APP: variants seen among roughly 807,000 people sequenced by gnomAD.
APP encodes the protein amyloid beta precursor protein.
In APP, 31 loss-of-function variants were observed where a neutral mutation model predicts 101.4. That is an observed-to-expected ratio of 0.31 (90% CI 0.23 to 0.41). The LOEUF (loss-of-function observed/expected upper bound fraction) is 0.41, where lower values mean the gene tolerates loss of function less well. APP is among the 10% of genes least tolerant of loss of function. APP has a pLI of 1.00. For missense variants in APP, 839 were observed against 1,003.7 expected (o/e 0.84, Z 2.22); for synonymous variants, 366 against 364.4 (o/e 1.00, Z -0.05).
At chr21:26,067,926 A>G (rs573851054) in intron 3 of APP, among the ~76,000 whole-genome samples, 1 of 152,146 alleles carries the variant, frequency 6.6e-6, no homozygotes, top group Non-Finnish European at 1.5e-5. Context: ...TTAAAAAAAA[A>G]AAACAAAAAA....
intron 6 of APP, among the ~76,000 whole-genome samples, chr21:26,007,489 A>G (rs943490019): frequency 6.8e-6 from 1 of 148,128 alleles, no homozygotes; most frequent in African/African-American, 2.4e-5. Flanking sequence ...ATATAATACA[A>G]TATACAATTT....
At chr21:25,901,360 C>T (rs1265132411) in intron 15 of APP, among the ~76,000 whole-genome samples, 1 of 145,336 alleles carries the variant, frequency 6.9e-6, no homozygotes, top group East Asian at 2.0e-4. Context: ...CAAGCCCACA[C>T]TACTTTTGAA....
chr21:25,891,545 G>A (rs770947262), intron 17 of APP, among the ~76,000 whole-genome samples, 177 bp downstream of exon 17: 2 of 152,042 alleles, frequency 1.3e-5, no homozygotes, highest in African/African-American at 2.4e-5. Context: ...GAATATTCAC[G>A]GTAAGTTGCA....
intron 1 of APP, among the ~76,000 whole-genome samples, chr21:26,127,481 A>C (rs1171696673): frequency 6.6e-6 from 1 of 152,160 alleles, no homozygotes; most frequent in Non-Finnish European, 1.5e-5. Flanking sequence ...ATATATAACT[A>C]AAAAAATTAT....
At chr21:26,026,600 A>T (rs866628449) in intron 5 of APP, among the ~76,000 whole-genome samples, 2 of 152,224 alleles carry the variant, frequency 1.3e-5, no homozygotes, top group South Asian at 2.1e-4. Context: ...ATGCCAAAAA[A>T]GTCACCATTT....
chr21:26,112,773 A>C (rs1370247502), intron 1 of APP, among the ~76,000 whole-genome samples: 1 of 152,128 alleles, frequency 6.6e-6, no homozygotes, highest in African/African-American at 2.4e-5. Context: ...ACTCTTAACA[A>C]GTCTGTTAAG....
intron 2 of APP, among the ~76,000 whole-genome samples, chr21:26,110,738 A>G (rs1435277529): frequency 6.6e-6 from 1 of 152,136 alleles, no homozygotes; most frequent in African/African-American, 2.4e-5. Context: ...AATATTAATT[A>G]AACAACAAAC....
At chr21:25,961,121 T>C (rs953683577) in intron 11 of APP, among the ~76,000 whole-genome samples, 13 of 152,328 alleles carry the variant, frequency 8.5e-5, no homozygotes, top group Admixed American at 6.5e-5. Flanking sequence ...TTGTCTACCC[T>C]GGAGAGGCTA....
chr21:26,054,627 T>G (rs868465336), intron 3 of APP, among the ~76,000 whole-genome samples: 2,440 of 141,120 alleles, frequency 0.017, 66 homozygotes, highest in African/African-American at 0.059. Flanking sequence ...AAAGTTTTTT[T>G]TTTTTTTTTT....
In APP at chr21:25,891,645, G is replaced by A. The variant is rs1048298298; in HGVS notation, c.2211+77C>T. The A allele has an allele frequency of 2.8e-6, 4 of 1,428,808 alleles. No homozygotes were observed. The African/African-American group carries it at 5.6e-5, about 20-fold the overall frequency. 88.5% of individuals were successfully genotyped at this position (1,428,808 alleles called of 1,614,324 possible). ...GTTTTTTAAAAGAGATACTTAGCTA[G>A]TTCTTAGCAAAAAGCTAAGCCTAAT... On this transcript the variant is annotated intron_variant, in intron 17 of 17. Transcript: ENST00000346798.
intron 1 of APP, among the ~76,000 whole-genome samples, chr21:26,165,065 T>C (rs1410225836): frequency 6.6e-6 from 1 of 152,238 alleles, no homozygotes; most frequent in African/African-American, 2.4e-5. Context: ...TTATAACATG[T>C]ATTCTAAAAA....
rs149503272 is a variant in APP, at chr21:26,020,053, T to C, written c.865+1787A>G. Among the ~76,000 whole-genome samples the C allele has an allele frequency of 5.3e-3, 799 of 152,112 alleles. 4 individuals are homozygous for C. The highest frequency in any genetic ancestry group is 0.019 in the African/African-American group (768 of 41,384). On this transcript the variant is annotated intron_variant, in intron 6 of 17. Coordinates refer to ENST00000346798, the MANE Select transcript of APP (RefSeq NM_000484.4). The stretch of plus-strand genomic sequence containing the variant: ...CTCTGTTCTTTTTTTTCAAAGAACA[T>C]GTAAAACTTTCAATAAATTTTAAGC...
chr21:25,954,728 G>T (rs201020285), intron 12 of APP, 39 bp from the exon 13 acceptor site: 1 of 1,525,006 alleles, frequency 6.6e-7, no homozygotes, highest in Admixed American at 1.7e-5. Flanking sequence ...AACAATGTCT[G>T]GGGGTAGGAA....
In APP at chr21:26,162,856, C is replaced by T. The variant is rs45511496; in HGVS notation, c.57+7708G>A. ...TGGCTTTCTGGAAGCTAATGAAAGCCAAATTATTAAATAAGAGACAAATTA... is the reference window on the plus strand; with the variant it reads ...TGGCTTTCTGGAAGCTAATGAAAGCTAAATTATTAAATAAGAGACAAATTA... On this transcript the variant is annotated intron_variant, in intron 1 of 17. Coordinates refer to ENST00000346798, the MANE Select transcript of APP (RefSeq NM_000484.4). Among the ~76,000 whole-genome samples, 759 of 140,520 alleles carry T rather than the reference C, an allele frequency of 5.4e-3. 10 individuals are homozygous for T. The highest frequency in any genetic ancestry group is 0.02 in the African/African-American group (723 of 36,944). The allele number at this position is 140,520 out of a possible 152,430, so 92.2% of individuals were successfully genotyped here.
intron 3 of APP, among the ~76,000 whole-genome samples, chr21:26,086,816 A>G (rs1220125414): frequency 6.6e-6 from 1 of 152,214 alleles, no homozygotes; most frequent in East Asian, 1.9e-4. Flanking sequence ...ATTCATAGTG[A>G]ATATTTGTTT....
chr21:26,054,055 G>C (rs1460027167), intron 3 of APP, among the ~76,000 whole-genome samples: 1 of 152,200 alleles, frequency 6.6e-6, no homozygotes, highest in African/African-American at 2.4e-5. Context: ...TATGTAAGCT[G>C]TAAACTTAAT....
intron 13 of APP, chr21:25,945,683 T>TG: frequency 6.1e-6 from 2 of 330,394 alleles, no homozygotes; most frequent in South Asian, 4.5e-5. Flanking sequence ...GACCATTCAA[T>TG]GGGGGAAATA....
At chr21:26,083,015 C>T (rs557242046) in intron 3 of APP, among the ~76,000 whole-genome samples, 2 of 152,090 alleles carry the variant, frequency 1.3e-5, no homozygotes, top group African/African-American at 2.4e-5. Flanking sequence ...AAATTACAGG[C>T]GCTTTTACTC....
chr21:25,956,635 G>C (rs961618710), intron 11 of APP, among the ~76,000 whole-genome samples: 1 of 152,134 alleles, frequency 6.6e-6, no homozygotes, highest in South Asian at 2.1e-4. Flanking sequence ...TTGGTCATTT[G>C]GGCAAACCTA....
Sources: gnomAD v4.1 joint callset for allele counts (sites outside exome capture counted in the v4.1 genomes callset) on GRCh38, gnomAD v4.1.1 for gene constraint, MANE v1.5 for transcripts, NCBI Gene and HGNC (gene_info 2026-07-23, HGNC 2026-07-21) for gene names.